Variants in CFAP47 observed in about 807,000 individuals in gnomAD.
CFAP47 encodes cilia- and flagella-associated protein 47.
Under a neutral mutation model 148.1 loss-of-function variants are expected in CFAP47, and 29 were observed. The observed-to-expected ratio is 0.20, with a 90% confidence interval of 0.15 to 0.27. CFAP47 has a LOEUF of 0.27. CFAP47 is among the 10% of genes least tolerant of loss of function. CFAP47 has a pLI of 1.00. For missense variants in CFAP47, 1,872 were observed against 1,697.5 expected, an observed-to-expected ratio of 1.10 and a Z score of -1.81; for synonymous variants, 664 against 577.3, an observed-to-expected ratio of 1.15 and a Z score of -2.15.
chrX:36,176,021 C>T (rs867959403), intron 39 of CFAP47, among the ~76,000 whole-genome samples: 2 of 112,172 alleles, frequency 1.8e-5, no homozygotes, highest in Admixed American at 9.4e-5. Context: ...TTTTTAAGCC[C>T]ATCGGAAAAG....
intron 29 of CFAP47, among the ~76,000 whole-genome samples, chrX:36,076,278 A>G (rs1937853566): frequency 9.7e-6 from 1 of 103,261 alleles, no homozygotes; most frequent in Admixed American, 1.1e-4. Flanking sequence ...TGCTGCACCC[A>G]TTAACTCATC....
chrX:35,983,689 A>G (rs752891615), intron 15 of CFAP47, among the ~76,000 whole-genome samples: 2 of 109,040 alleles, frequency 1.8e-5, no homozygotes, highest in Admixed American at 9.8e-5. Flanking sequence ...GTGGAATTAT[A>G]TTGAAAGCCT....
At chrX:35,940,697 C>T (rs774939194) in intron 2 of CFAP47, among the ~76,000 whole-genome samples, 1 of 111,144 alleles carries the variant, frequency 9.0e-6, no homozygotes, top group South Asian at 3.7e-4. Flanking sequence ...GTGGAGATTC[C>T]TAAGAAATTA....
intron 44 of CFAP47, among the ~76,000 whole-genome samples, chrX:36,204,394 A>C (rs896961200): frequency 6.6e-4 from 72 of 109,687 alleles, no homozygotes; most frequent in Admixed American, 4.9e-4. Context: ...ACACATGGAC[A>C]CAGGAAGGGG....
At position 36,042,251 on chromosome X, in the gene CFAP47, C is replaced by T. The variant is rs762449997; in HGVS notation, c.4007+3072C>T. Among the ~76,000 whole-genome samples the T allele has an allele frequency of 9.0e-5, 10 of 111,562 alleles. No homozygotes were observed. The East Asian group carries it at 2.3e-3, about 25-fold the overall frequency. On this transcript the variant is annotated intron_variant, in intron 25 of 63. Transcript: ENST00000378653. ...TTTAACAAGAGAAAAGTCAACAATG[C>T]TTATTATCACTGCTTCCCTAAAGCA...
intron 3 of CFAP47, among the ~76,000 whole-genome samples, chrX:35,946,022 G>A (rs188137102): frequency 4.4e-4 from 48 of 108,730 alleles, no homozygotes; most frequent in Admixed American, 7.9e-4. Flanking sequence ...ACAGGTGTGC[G>A]CCACCATGCC....
intron 49 of CFAP47, among the ~76,000 whole-genome samples, chrX:36,272,053 T>C (rs1371605456): frequency 8.9e-6 from 1 of 111,864 alleles, no homozygotes; most frequent in Non-Finnish European, 1.9e-5. Flanking sequence ...GTTTAGCTTA[T>C]AGAATTGTGA....
chrX:36,082,057 T>C (rs1937993056), intron 29 of CFAP47, among the ~76,000 whole-genome samples: 1 of 112,020 alleles, frequency 8.9e-6, no homozygotes, highest in Non-Finnish European at 1.9e-5. Context: ...ACTGATGTTA[T>C]GATTTTATGC....
At position 35,924,450 on chromosome X, in the gene CFAP47, TG is replaced by T. The variant is rs777456854; in HGVS notation, c.250-1566del. On this transcript the variant is annotated intron_variant, in intron 1 of 63. Coordinates refer to ENST00000378653, the MANE Select transcript of CFAP47 (RefSeq NM_001304548.2). ...ATATGTGTATATATGTACACCTATA[TG>T]TGTATATAGGTGCACCTATATGTGT... 3.8e-5 allele frequency among the ~76,000 whole-genome samples: 4 copies of T among 105,364 alleles called. No individual in the cohort carries two copies. The South Asian group carries it at 1.2e-3, about 32-fold the overall frequency. The allele number at this position is 105,364 out of a possible 115,157, so 91.5% of individuals were successfully genotyped here.
intron 26 of CFAP47, among the ~76,000 whole-genome samples, chrX:36,053,397 T>C (rs1284624824): frequency 8.9e-6 from 1 of 111,941 alleles, no homozygotes; most frequent in East Asian, 2.8e-4. Flanking sequence ...TAATTGTTCA[T>C]AACTGAAGTC....
intron 33 of CFAP47, among the ~76,000 whole-genome samples, chrX:36,113,453 T>C (rs2146805197): frequency 8.9e-6 from 1 of 111,985 alleles, no homozygotes; most frequent in African/African-American, 3.2e-5. Flanking sequence ...TGCTGAGATG[T>C]CTGTTGTTAG....
chrX:36,251,300 A>T (rs1158120674), intron 48 of CFAP47, 33 bp from the exon 49 acceptor site: 9 of 465,763 alleles, frequency 1.9e-5, no homozygotes, highest in East Asian at 1.2e-4. Context: ...TGTTGATACT[A>T]CATAATTCTT....
chrX:36,154,789 T>G (rs1346509645), intron 37 of CFAP47, among the ~76,000 whole-genome samples: 1 of 108,515 alleles, frequency 9.2e-6, no homozygotes, highest in Non-Finnish European at 1.9e-5. Context: ...GGCCTTTATA[T>G]AGTAATGTTG....
At chrX:36,108,989 T>C (rs1938510364) in intron 33 of CFAP47, among the ~76,000 whole-genome samples, 1 of 110,922 alleles carries the variant, frequency 9.0e-6, no homozygotes, top group African/African-American at 3.3e-5. Flanking sequence ...GTGTCTGCTG[T>C]TCCCCTCTAT....
At chrX:36,321,832 A>G (rs1206339937) in intron 57 of CFAP47, among the ~76,000 whole-genome samples, 1 of 111,894 alleles carries the variant, frequency 8.9e-6, no homozygotes, top group Non-Finnish European at 1.9e-5. Context: ...CTTATACTTA[A>G]TTTCACTGAT....
At chrX:35,992,955 T>C (rs1474513108) in intron 17 of CFAP47, among the ~76,000 whole-genome samples, 1 of 111,270 alleles carries the variant, frequency 9.0e-6, no homozygotes, top group Admixed American at 9.6e-5. Context: ...AGCATCCTAT[T>C]TGAATTGGAA....
chrX:36,067,069 T>C (rs1193280804), intron 27 of CFAP47, among the ~76,000 whole-genome samples: 1 of 111,758 alleles, frequency 8.9e-6, no homozygotes, highest in Non-Finnish European at 1.9e-5. Flanking sequence ...CTTCTTTTGG[T>C]CTCCTTTAAC....
intron 15 of CFAP47, among the ~76,000 whole-genome samples, chrX:35,976,155 TAA>T (rs1465041126): frequency 9.1e-6 from 1 of 109,572 alleles, no homozygotes; most frequent in Admixed American, 9.8e-5. Context: ...GAGAGAGAGA[TAA>T]AGAGAGAGAC....
At chrX:36,327,900 G>A (rs1556013377) in intron 57 of CFAP47, among the ~76,000 whole-genome samples, 1 of 109,942 alleles carries the variant, frequency 9.1e-6, no homozygotes, top group East Asian at 3.0e-4. Flanking sequence ...AAGTGGGAGA[G>A]AAACATTGAG....
Sources: allele counts gnomAD v4.1 joint callset (sites outside exome capture counted in the v4.1 genomes callset), GRCh38; gene constraint gnomAD v4.1.1; transcripts MANE v1.5; gene names NCBI Gene and HGNC (gene_info 2026-07-23, HGNC 2026-07-21).